NHS: variants seen among roughly 807,000 people sequenced by gnomAD.
NHS encodes the protein actin remodeling regulator NHS.
NHS carries 5 observed loss-of-function variants against 72.5 expected under a neutral mutation model. The observed-to-expected ratio is 0.07, with a 90% CI of 0.04 to 0.14. The LOEUF is 0.14. NHS is among the 10% of genes least tolerant of loss of function. The pLI is 1.00. For synonymous variants in NHS, 464 were observed against 547.7 expected (o/e 0.85, Z 2.13); for missense variants, 1,072 against 1,355.7 (o/e 0.79, Z 3.29).
chrX:17,580,725 A>ATGCT (rs2065539293), intron 1 of NHS, among the ~76,000 whole-genome samples: 1 of 112,165 alleles, frequency 8.9e-6, no homozygotes. Context: ...GGAGAAGCTA[A>ATGCT]TGCTATTAAT....
Position 17,572,767 on chromosome X carries a change from A to C in NHS, c.566-114975A>C, listed in dbSNP as rs775192417. ...ACCCATTAGTTGATGCAGTTTCTTCATAGCGTCAATGGTCTTTGCAATTTG... is the reference window on the plus strand; with the variant it reads ...ACCCATTAGTTGATGCAGTTTCTTCCTAGCGTCAATGGTCTTTGCAATTTG... On this transcript the variant is annotated intron_variant, in intron 1 of 8. Coordinates refer to ENST00000676302, the MANE Select transcript of NHS (RefSeq NM_001291867.2). Among the ~76,000 whole-genome samples, 233 of 111,228 alleles carry C rather than the reference A, an allele frequency of 2.1e-3. 1 individual carries two copies. The highest frequency in any genetic ancestry group is 3.6e-3 in the Non-Finnish European group (191 of 53,089).
intron 1 of NHS, among the ~76,000 whole-genome samples, chrX:17,514,063 A>G (rs1385728928): frequency 8.9e-6 from 1 of 111,732 alleles, no homozygotes; most frequent in African/African-American, 3.3e-5. Context: ...TTATAAAGCC[A>G]TCAGATCTCA....
At chrX:17,585,439 G>T (rs984242103) in intron 1 of NHS, among the ~76,000 whole-genome samples, 3 of 111,795 alleles carry the variant, frequency 2.7e-5, no homozygotes, top group African/African-American at 9.8e-5. Flanking sequence ...ACATCAATGA[G>T]CAGTGTTTTG....
intron 1 of NHS, among the ~76,000 whole-genome samples, chrX:17,403,759 C>A (rs2064513722): frequency 9.0e-6 from 1 of 111,430 alleles, no homozygotes; most frequent in South Asian, 3.8e-4. Flanking sequence ...AGAAATCTGC[C>A]CCAGGCCCTT....
chrX:17,391,140 G>A, intron 1 of NHS, among the ~76,000 whole-genome samples: 1 of 111,618 alleles, frequency 9.0e-6, no homozygotes, highest in South Asian at 3.9e-4. Flanking sequence ...GCTTCTCTGT[G>A]GCCCGGCCAG....
chrX:17,376,155 C>T lies in NHS; in HGVS notation c.398C>T (p.Ala133Val), dbSNP rs374572630. The change falls in exon 1 of 9, where the codon GCC becomes GTC. Residue 133 changes from alanine (A) to valine (V), a missense_variant. Transcript: ENST00000676302. ...DLCAVSNAAL[A>V]RVLRQLSDVA... is the part of the protein sequence containing the mutation. ...TGCGCGGTCAGCAACGCCGCTCTGG[C>T]CCGTGTCCTCCGGCAGCTCTCGGAC... The T allele has an allele frequency of 3.4e-6, 4 of 1,189,065 alleles. No individual in the cohort carries two copies. Among genetic ancestry groups the T allele is most frequent in the Non-Finnish European group, 4.5e-6 (4 of 890,147 alleles).
chrX:17,447,755 CCACACA>C (rs745355880), intron 1 of NHS, among the ~76,000 whole-genome samples: 6 of 93,813 alleles, frequency 6.4e-5, no homozygotes, highest in Admixed American at 1.2e-4. Flanking sequence ...TGGACTTTGG[CCACACA>C]CACACACACA....
At chrX:17,519,271 C>T (rs1447684349) in intron 1 of NHS, among the ~76,000 whole-genome samples, 2 of 112,198 alleles carry the variant, frequency 1.8e-5, no homozygotes, top group Non-Finnish European at 3.8e-5. Flanking sequence ...CTTTCCTTGA[C>T]ATCTCGAGAC....
At chrX:17,662,216 G>A (rs1191727892) in intron 1 of NHS, among the ~76,000 whole-genome samples, 1 of 111,799 alleles carries the variant, frequency 8.9e-6, no homozygotes, top group Non-Finnish European at 1.9e-5. Context: ...GTGCAGCCTG[G>A]GCCTTCCCCA....
chrX:17,474,045 A>G (rs192571434), intron 1 of NHS, among the ~76,000 whole-genome samples: 1,168 of 111,274 alleles, frequency 0.01, 16 homozygotes, highest in African/African-American at 0.036. Flanking sequence ...CTACTACCCA[A>G]TAGTTATTGT....
intron 1 of NHS, among the ~76,000 whole-genome samples, chrX:17,484,301 A>G (rs2064958813): frequency 8.9e-6 from 1 of 112,466 alleles, no homozygotes; most frequent in Admixed American, 9.4e-5. Flanking sequence ...TTGGTAACAT[A>G]AAGTCTTGGC....
At chrX:17,456,319 A>T (rs770248914) in intron 1 of NHS, among the ~76,000 whole-genome samples, 1 of 111,567 alleles carries the variant, frequency 9.0e-6, no homozygotes, top group South Asian at 3.8e-4. Context: ...GGTTTATAAA[A>T]ATTTGCCCAT....
chrX:17,689,035 A>G (rs1038046495), intron 2 of NHS, among the ~76,000 whole-genome samples: 2 of 112,427 alleles, frequency 1.8e-5, no homozygotes, highest in African/African-American at 6.5e-5. Context: ...GGCATTTTGC[A>G]AAAGTATTAA....
chrX:17,446,074 A>G (rs928918242), intron 1 of NHS, among the ~76,000 whole-genome samples: 4 of 110,311 alleles, frequency 3.6e-5, no homozygotes, highest in Admixed American at 9.7e-5. Context: ...CAATGATTCT[A>G]TATGACAAAT....
At chrX:17,606,229 C>G (rs927655334) in intron 1 of NHS, among the ~76,000 whole-genome samples, 22 of 111,890 alleles carry the variant, frequency 2.0e-4, no homozygotes, top group Non-Finnish European at 3.8e-4. Flanking sequence ...GCTGTAAAGA[C>G]CCCCACAGAG....
At chrX:17,451,923 C>T (rs758054972) in intron 1 of NHS, among the ~76,000 whole-genome samples, 52 of 111,768 alleles carry the variant, frequency 4.7e-4, no homozygotes, top group Non-Finnish European at 8.1e-4. Context: ...TTACTAAACC[C>T]GCATCCTTAA....
chrX:17,640,280 A>G (rs1270212532), intron 1 of NHS, among the ~76,000 whole-genome samples: 1 of 111,683 alleles, frequency 9.0e-6, no homozygotes, highest in African/African-American at 3.3e-5. Flanking sequence ...TTTCTCTCCT[A>G]GTCTTTTTGG....
At chrX:17,418,709 T>C (rs1173375475) in intron 1 of NHS, among the ~76,000 whole-genome samples, 2 of 111,809 alleles carry the variant, frequency 1.8e-5, no homozygotes, top group Non-Finnish European at 3.8e-5. Context: ...TCCTTCCCAG[T>C]GCATTTTCAC....
Position 17,375,961 on chromosome X carries a change from A to T in NHS, c.204A>T (p.Pro68=). 1 of 1,074,978 alleles carries T rather than the reference A, an allele frequency of 9.3e-7. No homozygotes were observed. Among genetic ancestry groups the T allele is most frequent in the Non-Finnish European group, 1.2e-6 (1 of 832,387 alleles). The allele number at this position is 1,074,978 out of a possible 1,213,427, so 88.6% of individuals were successfully genotyped here. The part of the protein sequence containing the change: ...ARAVPAPSGL[P]PPPPPLPAPA... Reference sequence around the variant, plus strand: ...CCGTCCCTGCACCTTCAGGGCTGCCACCGCCGCCGCCGCCACTGCCCGCGC... The same window carrying T: ...CCGTCCCTGCACCTTCAGGGCTGCCTCCGCCGCCGCCGCCACTGCCCGCGC... Residue 68 remains proline, a synonymous_variant, in exon 1 of 9, where the codon CCA becomes CCT. Coordinates refer to ENST00000676302, the MANE Select transcript of NHS (RefSeq NM_001291867.2).
Sources: allele counts gnomAD v4.1 joint callset (sites outside exome capture counted in the v4.1 genomes callset), GRCh38; gene constraint gnomAD v4.1.1; transcripts MANE v1.5; gene names NCBI Gene and HGNC (gene_info 2026-07-23, HGNC 2026-07-21).